NUDT3: variants seen among roughly 807,000 people sequenced by gnomAD.
The protein encoded by NUDT3 is diphosphoinositol polyphosphate phosphohydrolase 1.
In NUDT3, 9 loss-of-function variants were observed where a neutral mutation model predicts 23.6. The observed-to-expected ratio is 0.38, with a 90% CI of 0.23 to 0.66. The LOEUF (loss-of-function observed/expected upper bound fraction) is 0.66. NUDT3 is among the 30% of genes least tolerant of loss of function. The pLI is 0.52. For missense variants in NUDT3, 172 were observed against 218.5 expected (o/e 0.79, Z 1.34); for synonymous variants, 86 against 82.6 (o/e 1.04, Z -0.22).
intron 1 of NUDT3, among the ~76,000 whole-genome samples, chr6:34,366,069 A>AT (rs1764723715): frequency 6.6e-6 from 1 of 150,950 alleles, no homozygotes; most frequent in Non-Finnish European, 1.5e-5. Flanking sequence ...AATAAATAAT[A>AT]TTTTTTAAAA....
chr6:34,363,095 G>A (rs1354744729), intron 1 of NUDT3, among the ~76,000 whole-genome samples: 2 of 152,158 alleles, frequency 1.3e-5, no homozygotes, highest in Non-Finnish European at 2.9e-5. Flanking sequence ...GTTAACGATT[G>A]AGCACAACAC....
intron 2 of NUDT3, among the ~76,000 whole-genome samples, chr6:34,336,472 T>C (rs769957686): frequency 6.6e-6 from 1 of 152,230 alleles, no homozygotes; most frequent in Non-Finnish European, 1.5e-5. Context: ...TAGTAATCCC[T>C]TGTTGAATGA....
chr6:34,371,352 G>T (rs990121012), intron 1 of NUDT3, among the ~76,000 whole-genome samples: 3 of 151,740 alleles, frequency 2.0e-5, no homozygotes, highest in Admixed American at 2.0e-4. Context: ...GGTAGTCCAA[G>T]CTACTCGGGA....
chr6:34,314,278 C>G (rs1013230595), intron 2 of NUDT3, among the ~76,000 whole-genome samples: 3 of 151,334 alleles, frequency 2.0e-5, no homozygotes, highest in Admixed American at 2.0e-4. Flanking sequence ...TAAGGCCGGG[C>G]GCAGTGGCTC....
chr6:34,318,421 C>G (rs1435777196), intron 2 of NUDT3, among the ~76,000 whole-genome samples: 1 of 152,218 alleles, frequency 6.6e-6, no homozygotes, highest in African/African-American at 2.4e-5. Flanking sequence ...AGATTCCACT[C>G]TATATATTTA....
At position 34,392,593 on chromosome 6, in the gene NUDT3, G is replaced by A. The variant is rs1298112459; in HGVS notation, c.-231C>T. 1 of 312,070 alleles carries A rather than the reference G, an allele frequency of 3.2e-6. No individual in the cohort carries two copies. Among genetic ancestry groups the A allele is most frequent in the African/African-American group, 2.2e-5 (1 of 45,468 alleles). The allele number at this position is 312,070 out of a possible 1,614,324, so 19.3% of individuals were successfully genotyped here. A position where few individuals can be genotyped will look rare whatever the true frequency, so the allele number is the denominator to read the frequency against. Reference sequence around the variant, plus strand: ...ACGGCTGCCGTCTCCGCTGCCGCCAGGGCCGCCGCCCCCTCTGCCGCCGCC... The same window carrying A: ...ACGGCTGCCGTCTCCGCTGCCGCCAAGGCCGCCGCCCCCTCTGCCGCCGCC... On this transcript the variant is annotated 5_prime_UTR_variant, in exon 1 of 5. Coordinates refer to ENST00000607016, the MANE Select transcript of NUDT3 (RefSeq NM_006703.4).
rs74453832 is a variant in NUDT3 at position 34,386,397 on chromosome 6, C to G, written c.99+5867G>C. Reference sequence around the variant, plus strand: ...AATCATTTTCATCATGCTGTTTGGTCTGTTTGTTCTTCCATCTCTCCCATT... The same window carrying G: ...AATCATTTTCATCATGCTGTTTGGTGTGTTTGTTCTTCCATCTCTCCCATT... On this transcript the variant is annotated intron_variant, in intron 1 of 4. Coordinates refer to ENST00000607016, the MANE Select transcript of NUDT3 (RefSeq NM_006703.4). Among the ~76,000 whole-genome samples the G allele has an allele frequency of 3.4e-3, 517 of 152,280 alleles. 5 individuals are homozygous for G. Among genetic ancestry groups the G allele is most frequent in the Admixed American group, 7.5e-3 (114 of 15,288 alleles).
At chr6:34,356,591 T>C (rs1764564603) in intron 1 of NUDT3, among the ~76,000 whole-genome samples, 1 of 152,120 alleles carries the variant, frequency 6.6e-6, no homozygotes, top group African/African-American at 2.4e-5. Flanking sequence ...ATCAAATATA[T>C]TTAAATCCAT....
chr6:34,358,586 T>C (rs958842715), intron 1 of NUDT3, among the ~76,000 whole-genome samples: 2 of 152,118 alleles, frequency 1.3e-5, no homozygotes, highest in East Asian at 1.9e-4. Context: ...CAAGTGATTA[T>C]GTGGAAATTA....
At chr6:34,352,176 A>G (rs927494776) in intron 1 of NUDT3, among the ~76,000 whole-genome samples, 6 of 152,114 alleles carry the variant, frequency 3.9e-5, no homozygotes, top group Admixed American at 2.0e-4. Context: ...TTATATCATT[A>G]TTTTTTGAGA....
chr6:34,297,718 T>TAAAAAAA (rs200099331), intron 2 of NUDT3, among the ~76,000 whole-genome samples: 24 of 78,766 alleles, frequency 3.0e-4, no homozygotes, highest in African/African-American at 9.1e-4. Flanking sequence ...CCGGCTAATG[T>TAAAAAAA]AAAAAAAAAA....
chr6:34,383,566 C>T (rs1222651631), intron 1 of NUDT3, among the ~76,000 whole-genome samples: 1 of 152,144 alleles, frequency 6.6e-6, no homozygotes, highest in African/African-American at 2.4e-5. Flanking sequence ...TACACAGACA[C>T]TCCAAAAATG....
At position 34,301,393 on chromosome 6, in the gene NUDT3, A is replaced by G. The variant is rs11963724; in HGVS notation, c.211-5708T>C. 2.2e-3 allele frequency among the ~76,000 whole-genome samples: 333 copies of G among 152,360 alleles called. 1 individual carries two copies. The highest frequency in any genetic ancestry group is 0.011 in the East Asian group (57 of 5,194). ...GGATAGAATCTACTTACCCATCCCT[A>G]TATCTAGACTTGCCTTGTGTCTTCG... is the stretch of plus-strand genomic sequence containing the variant. On this transcript the variant is annotated intron_variant, in intron 2 of 4. Transcript: ENST00000607016.
intron 1 of NUDT3, among the ~76,000 whole-genome samples, chr6:34,356,617 A>C (rs138144134): frequency 0.012 from 1,832 of 152,318 alleles, 37 homozygotes; most frequent in African/African-American, 0.042. Flanking sequence ...TATACTAATA[A>C]TTTTTAAGAA....
chr6:34,368,210 A>C (rs1407653696), intron 1 of NUDT3, among the ~76,000 whole-genome samples: 1 of 152,232 alleles, frequency 6.6e-6, no homozygotes, highest in East Asian at 1.9e-4. Context: ...CAGAAAAAAG[A>C]AAGCTGCATC....
intron 2 of NUDT3, among the ~76,000 whole-genome samples, chr6:34,295,927 G>A (rs1763492655): frequency 6.6e-6 from 1 of 152,082 alleles, no homozygotes; most frequent in Admixed American, 6.5e-5. Context: ...TCTCCCTACT[G>A]CAAAGCTAGC....
At chr6:34,370,296 C>T (rs1319460636) in intron 1 of NUDT3, among the ~76,000 whole-genome samples, 1 of 152,202 alleles carries the variant, frequency 6.6e-6, no homozygotes, top group Admixed American at 6.5e-5. Flanking sequence ...AAGACAGCTA[C>T]TGGAGTTGGT....
intron 1 of NUDT3, among the ~76,000 whole-genome samples, chr6:34,381,938 T>G (rs558844065): frequency 6.6e-6 from 1 of 151,644 alleles, no homozygotes; most frequent in East Asian, 1.9e-4. Flanking sequence ...CCAGGCTTGG[T>G]GGTGGACACC....
intron 2 of NUDT3, among the ~76,000 whole-genome samples, chr6:34,332,318 T>C (rs556831674): frequency 6.6e-6 from 1 of 152,162 alleles, no homozygotes; most frequent in Non-Finnish European, 1.5e-5. Flanking sequence ...AGAGAAAATA[T>C]ATTTACTGTT....
Sources: gnomAD v4.1 joint callset for allele counts (sites outside exome capture counted in the v4.1 genomes callset) on GRCh38, gnomAD v4.1.1 for gene constraint, MANE v1.5 for transcripts, NCBI Gene and HGNC (gene_info 2026-07-23, HGNC 2026-07-21) for gene names.